PLCL2: variants seen among roughly 807,000 people sequenced by gnomAD.
The protein encoded by PLCL2 is phospholipase C like 2, also known as inactive phospholipase C-like protein 2.
PLCL2 carries 4 observed loss-of-function variants against 79.6 expected under a neutral mutation model. That is an observed-to-expected ratio of 0.05 (90% CI 0.02 to 0.11). PLCL2 has a LOEUF of 0.11. Among genes scored for constraint, PLCL2 ranks in the 10% least tolerant of loss-of-function variants. The pLI is 1.00. For missense variants in PLCL2, 895 were observed against 1,291.0 expected (o/e 0.69, Z 4.70); for synonymous variants, 484 against 457.7 (o/e 1.06, Z -0.73).
At chr3:17,038,786 A>G (rs1313157996) in intron 3 of PLCL2, among the ~76,000 whole-genome samples, 1 of 152,208 alleles carries the variant, frequency 6.6e-6, no homozygotes, top group Non-Finnish European at 1.5e-5. Context: ...AGGAGTTACA[A>G]AATTTCCTCT....
chr3:16,970,008 A>G (rs527534653), intron 1 of PLCL2, among the ~76,000 whole-genome samples: 1 of 149,924 alleles, frequency 6.7e-6, no homozygotes, highest in African/African-American at 2.4e-5. Context: ...ATGTAATTGT[A>G]TAGCTTTGAA....
Position 17,042,940 on chromosome 3 carries a change from C to G in PLCL2, c.3085C>G (p.Gln1029Glu). 1 of 1,607,452 alleles carries G rather than the reference C, an allele frequency of 6.2e-7. No individual in the cohort carries two copies. Among genetic ancestry groups the G allele is most frequent in the East Asian group, 2.2e-5 (1 of 44,830 alleles). Residue 1029 changes from glutamine (Q) to glutamate (E), a missense_variant, in exon 4 of 6, where the codon CAG becomes GAG. By Grantham distance (29) the Gln-to-Glu change is conservative (BLOSUM62 2). Coordinates refer to ENST00000615277, the MANE Select transcript of PLCL2 (RefSeq NM_001144382.2). Reference protein sequence around the residue: ...DAVYEKIVHCQKAAMEFHEHL... With the variant: ...DAVYEKIVHCEKAAMEFHEHL... The stretch of plus-strand genomic sequence containing the variant: ...TGTATATGAAAAGATCGTACATTGT[C>G]AGAAGGCAGGTAAGTGAAAGTTTGT...
At chr3:16,992,720 G>C (rs2064116845) in intron 1 of PLCL2, among the ~76,000 whole-genome samples, 1 of 152,214 alleles carries the variant, frequency 6.6e-6, no homozygotes, top group Non-Finnish European at 1.5e-5. Context: ...CCAGCCAAGG[G>C]CTGGGCAAGG....
intron 4 of PLCL2, among the ~76,000 whole-genome samples, chr3:17,049,985 A>G (rs2064822865): frequency 2.0e-5 from 3 of 152,208 alleles, no homozygotes; most frequent in Admixed American, 6.5e-5. Context: ...AAAAGCAGAC[A>G]CATAGACCAA....
At chr3:17,035,885 C>G (rs1029504449) in intron 3 of PLCL2, 50 of 457,776 alleles carry the variant, frequency 1.1e-4, no homozygotes, top group Non-Finnish European at 1.3e-5. Flanking sequence ...CAAATATGCT[C>G]CTCTGTATGT....
At chr3:17,074,992 G>T (rs932249285) in intron 5 of PLCL2, among the ~76,000 whole-genome samples, 1 of 152,172 alleles carries the variant, frequency 6.6e-6, no homozygotes, top group African/African-American at 2.4e-5. Flanking sequence ...CAGTAGAATA[G>T]CACTTTAAAT....
intron 1 of PLCL2, among the ~76,000 whole-genome samples, chr3:16,961,826 C>T (rs568723368): frequency 1.1e-4 from 16 of 152,264 alleles, no homozygotes; most frequent in Non-Finnish European, 2.1e-4. Flanking sequence ...GAATCTTGAC[C>T]TTCCCAGGAC....
intron 3 of PLCL2, among the ~76,000 whole-genome samples, chr3:17,021,097 A>G (rs762626485): frequency 3.9e-5 from 6 of 152,186 alleles, no homozygotes; most frequent in Non-Finnish European, 8.8e-5. Context: ...ACCAACTTTT[A>G]TAACTGTAGA....
chr3:17,034,495 A>C (rs551525342), intron 3 of PLCL2, among the ~76,000 whole-genome samples: 1 of 152,320 alleles, frequency 6.6e-6, no homozygotes, highest in African/African-American at 2.4e-5. Context: ...TGGTAGTAGG[A>C]GGTTCCTCTG....
rs17043052 is a variant in PLCL2 at position 17,066,100 on chromosome 3, G to A, written c.3095-1856G>A. Among the ~76,000 whole-genome samples, 764 of 152,286 alleles carry A rather than the reference G, an allele frequency of 5.0e-3. 6 individuals are homozygous for A. Among genetic ancestry groups the A allele is most frequent in the African/African-American group, 0.017 (700 of 41,550 alleles). On this transcript the variant is annotated intron_variant, in intron 4 of 5. Coordinates refer to ENST00000615277, the MANE Select transcript of PLCL2 (RefSeq NM_001144382.2). Reference sequence around the variant, plus strand: ...TGCAGCACACTCCAGGGAGTCTCCCGGATGTGAAGAGTGGGGAAAGTGTGT... The same window carrying A: ...TGCAGCACACTCCAGGGAGTCTCCCAGATGTGAAGAGTGGGGAAAGTGTGT...
chr3:17,081,446 AATAG>A, intron 5 of PLCL2: 1 of 306,538 alleles, frequency 3.3e-6, no homozygotes, highest in Non-Finnish European at 6.5e-6. Flanking sequence ...GTTTTTCTCT[AATAG>A]ATAGTTGGAC....
chr3:16,969,071 C>T (rs1186536678), intron 1 of PLCL2, among the ~76,000 whole-genome samples: 1 of 152,100 alleles, frequency 6.6e-6, no homozygotes, highest in Non-Finnish European at 1.5e-5. Context: ...TTGAACCAAC[C>T]TTGCATCTCA....
chr3:17,046,109 CA>C (rs1311705525), intron 4 of PLCL2, among the ~76,000 whole-genome samples: 1 of 152,072 alleles, frequency 6.6e-6, no homozygotes, highest in Non-Finnish European at 1.5e-5. Context: ...GTGATGTGGC[CA>C]TGCAAGAATG....
chr3:17,021,628 A>C (rs975880917), intron 3 of PLCL2, among the ~76,000 whole-genome samples: 3 of 142,448 alleles, frequency 2.1e-5, no homozygotes, highest in Non-Finnish European at 4.5e-5. Context: ...ACACACACAC[A>C]CACCCCAGAT....
At position 17,042,862 on chromosome 3, in the gene PLCL2, T is replaced by C; in HGVS notation, c.3019-12T>C. ...TCAGGTGTAATCTCATGTCTGGATG[T>C]TCCCTTTGCAGATGATTCAGTCCCT... On this transcript the variant is annotated splice_polypyrimidine_tract_variant and intron_variant, in intron 3 of 5. Transcript: ENST00000615277. 2 of 1,595,332 alleles carry C rather than the reference T, an allele frequency of 1.3e-6. No homozygotes were observed. Among genetic ancestry groups the C allele is most frequent in the Non-Finnish European group, 1.7e-6 (2 of 1,163,132 alleles).
At chr3:17,019,371 C>G (rs2064422027) in intron 3 of PLCL2, among the ~76,000 whole-genome samples, 1 of 152,184 alleles carries the variant, frequency 6.6e-6, no homozygotes, top group Non-Finnish European at 1.5e-5. Flanking sequence ...TCAGAGACCA[C>G]CTATTGAGCA....
At chr3:17,062,764 C>T (rs1229939057) in intron 4 of PLCL2, among the ~76,000 whole-genome samples, 1 of 152,156 alleles carries the variant, frequency 6.6e-6, no homozygotes, top group Non-Finnish European at 1.5e-5. Context: ...ATATTGGAAA[C>T]ATGCAGGGAA....
chr3:17,002,030 T>C (rs563778855), intron 1 of PLCL2, among the ~76,000 whole-genome samples: 112 of 152,256 alleles, frequency 7.4e-4, no homozygotes, highest in Non-Finnish European at 1.5e-3. Flanking sequence ...GTTTCATTAG[T>C]GCTCTATCAT....
chr3:17,078,917 T>C (rs772118443), intron 5 of PLCL2, among the ~76,000 whole-genome samples: 6 of 152,228 alleles, frequency 3.9e-5, no homozygotes, highest in Non-Finnish European at 8.8e-5. Flanking sequence ...CTATTTAGTG[T>C]GTGAAAATTT....
Sources: allele counts gnomAD v4.1 joint callset (sites outside exome capture counted in the v4.1 genomes callset), GRCh38; gene constraint gnomAD v4.1.1; transcripts MANE v1.5; gene names NCBI Gene and HGNC (gene_info 2026-07-23, HGNC 2026-07-21).